Variants in ZCCHC10 observed in about 807,000 individuals in gnomAD.
ZCCHC10 encodes the protein zinc finger CCHC-type containing 10, also known as zinc finger CCHC domain-containing protein 10.
A neutral mutation model predicts 19.5 loss-of-function variants in ZCCHC10; 16 were observed. That is an observed-to-expected ratio of 0.82 (90% CI 0.56 to 1.25). The LOEUF is 1.25. ZCCHC10 is among the 50% of genes most tolerant of loss of function. The pLI is 0.00. For synonymous variants in ZCCHC10, 67 were observed against 72.5 expected (o/e 0.92, Z 0.38); for missense variants, 197 against 201.0 (o/e 0.98, Z 0.12).
intron 1 of ZCCHC10, among the ~76,000 whole-genome samples, chr5:133,023,116 TAA>T (rs1427233128): frequency 6.6e-6 from 1 of 152,170 alleles, no homozygotes; most frequent in African/African-American, 2.4e-5. Context: ...CAGCTCAACA[TAA>T]ACTTTTAGAT....
intron 2 of ZCCHC10, among the ~76,000 whole-genome samples, chr5:133,010,000 A>G (rs1763388766): frequency 6.6e-6 from 1 of 152,080 alleles, no homozygotes; most frequent in African/African-American, 2.4e-5. Flanking sequence ...AATATTTTGA[A>G]ATAATTAGAA....
At position 132,998,540 on chromosome 5, in the gene ZCCHC10, A is replaced by G. The variant is rs1301195714; in HGVS notation, c.*43T>C. ...TTCTAAATTCCCTTTCAAGAATCAC[A>G]TCAATGTTTTCAGTCCATCAGTCCA... On this transcript the variant is annotated 3_prime_UTR_variant, in exon 5 of 5. Transcript: ENST00000509437. 1.3e-6 allele frequency: 2 copies of G among 1,559,744 alleles called. No individual in the cohort carries two copies. Among genetic ancestry groups the G allele is most frequent in the Non-Finnish European group, 1.7e-6 (2 of 1,143,930 alleles).
At chr5:132,998,977 A>G in intron 4 of ZCCHC10, 127 bp from the exon 5 acceptor site, 1 of 1,272,960 alleles carries the variant, frequency 7.9e-7, no homozygotes. Flanking sequence ...GTGCAGTGGC[A>G]CAATCTCAGC....
At chr5:133,007,551 A>C (rs1194601687) in intron 2 of ZCCHC10, among the ~76,000 whole-genome samples, 1 of 151,822 alleles carries the variant, frequency 6.6e-6, no homozygotes, top group Non-Finnish European at 1.5e-5. Context: ...TCACAAAAAA[A>C]AAAAAAAACA....
intron 2 of ZCCHC10, among the ~76,000 whole-genome samples, chr5:133,012,842 A>C (rs1763645160): frequency 1.3e-5 from 2 of 152,078 alleles, no homozygotes; most frequent in Non-Finnish European, 1.5e-5. Context: ...CAAGGTCAGG[A>C]GATGGAGACC....
intron 2 of ZCCHC10, among the ~76,000 whole-genome samples, chr5:133,022,237 T>C (rs1764360428): frequency 6.6e-6 from 1 of 152,226 alleles, no homozygotes; most frequent in Non-Finnish European, 1.5e-5. Flanking sequence ...AAATTTATTT[T>C]TCTTTTTAAA....
rs568173949 is a variant in ZCCHC10, at chr5:132,997,006, T to G, written c.*1577A>C. On this transcript the variant is annotated 3_prime_UTR_variant, in exon 5 of 5. Transcript: ENST00000509437. Reference sequence around the variant, plus strand: ...GAAGTTTAAGCTTGTGAGCACAAATTGTGAGTTTTATTTAACTGCAAGTGA... The same window carrying G: ...GAAGTTTAAGCTTGTGAGCACAAATGGTGAGTTTTATTTAACTGCAAGTGA... 3.2e-4 allele frequency: 49 copies of G among 152,338 alleles called. No individual in the cohort carries two copies. The highest frequency in any genetic ancestry group is 1.1e-3 in the African/African-American group (46 of 41,578). The allele number at this position is 152,338 out of a possible 1,614,324, so 9.4% of individuals were successfully genotyped here. A position where few individuals can be genotyped will look rare whatever the true frequency, so the allele number is the denominator to read the frequency against.
chr5:133,019,482 G>A (rs994115149), intron 2 of ZCCHC10, among the ~76,000 whole-genome samples: 4 of 152,050 alleles, frequency 2.6e-5, no homozygotes, highest in Non-Finnish European at 4.4e-5. Flanking sequence ...GTGAAATGAC[G>A]TTCTTTGATA....
rs761751313 is a variant in ZCCHC10, at chr5:132,998,722, C to A, written c.440G>T (p.Ser147Ile). 66 of 1,614,074 alleles carry A rather than the reference C, an allele frequency of 4.1e-5. No homozygotes were observed. Among genetic ancestry groups the A allele is most frequent in the Middle Eastern group, 1.7e-4 (1 of 6,060 alleles). The change falls in exon 5 of 5, where the codon AGT becomes ATT. Residue 147 changes from serine (S) to isoleucine (I), a missense_variant. Transcript: ENST00000509437. ...EDSDTDESSS[S>I]SSSSASSTTS... The stretch of plus-strand genomic sequence containing the variant: ...TGTGGAGGAGGCTGAGGATGAGGAA[C>A]TAGAGGAGCTTTCATCAGTGTCACT...
intron 3 of ZCCHC10, among the ~76,000 whole-genome samples, chr5:133,001,217 G>A (rs552977085): frequency 6.6e-6 from 1 of 151,620 alleles, no homozygotes; most frequent in African/African-American, 2.4e-5. Flanking sequence ...GTGAAACCCT[G>A]TCTCTACTAA....
rs1029422217 is a variant in ZCCHC10, at chr5:133,022,927, A to C, written c.42-21T>G. 2.7e-5 allele frequency: 15 copies of C among 559,982 alleles called. No homozygotes were observed. The Admixed American group carries it at 4.0e-4, about 15-fold the overall frequency. The allele number at this position is 559,982 out of a possible 1,614,324, so 34.7% of individuals were successfully genotyped here. On this transcript the variant is annotated intron_variant, in intron 1 of 4. Coordinates refer to ENST00000509437, the MANE Select transcript of ZCCHC10 (RefSeq NM_001300816.3). Reference sequence around the variant, plus strand: ...CGAATCTAACAAGATGAAATTTAACAAGGACAAAGGTAAGTCTGACACTTA... The same window carrying C: ...CGAATCTAACAAGATGAAATTTAACCAGGACAAAGGTAAGTCTGACACTTA...
Position 133,026,549 on chromosome 5 carries a change from C to G in ZCCHC10, c.-12G>C. The G allele has an allele frequency of 1.9e-6, 3 of 1,613,042 alleles. No homozygotes were observed. Among genetic ancestry groups the G allele is most frequent in the South Asian group, 2.2e-5 (2 of 90,836 alleles). ...ATGGGAGTCGCCATCTTAGCGCGGT[C>G]AAAGCCGGCCGCGCAGGGTTTTGGG... On this transcript the variant is annotated 5_prime_UTR_variant, in exon 1 of 5. Transcript: ENST00000509437.
At chr5:133,000,209 T>C (rs1762677295) in intron 3 of ZCCHC10, 36 bp from the exon 4 acceptor site, 2 of 1,612,682 alleles carry the variant, frequency 1.2e-6, no homozygotes, top group Non-Finnish European at 1.7e-6. Flanking sequence ...CTCCTGTTAA[T>C]AGAGTGATTA....
chr5:133,012,136 CAA>C (rs1172354725), intron 2 of ZCCHC10, among the ~76,000 whole-genome samples: 15 of 74,866 alleles, frequency 2.0e-4, no homozygotes, highest in South Asian at 5.8e-4. Flanking sequence ...GCCTCCATCT[CAA>C]AAAAAAAAAA....
Position 133,026,135 on chromosome 5 carries a change from C to T in ZCCHC10, c.41+362G>A, listed in dbSNP as rs376136580. 5.3e-5 allele frequency among the ~76,000 whole-genome samples: 8 copies of T among 152,288 alleles called. No individual in the cohort carries two copies. The East Asian group carries it at 1.5e-3, about 29-fold the overall frequency. ...TGAATAGGAAACTGAAGGTTTACGT[C>T]GGCTGGAATAAAGGTGTCGGACCGG... is the stretch of plus-strand genomic sequence containing the variant. On this transcript the variant is annotated intron_variant, in intron 1 of 4. Transcript: ENST00000509437.
At chr5:133,013,919 T>G (rs1490827731) in intron 2 of ZCCHC10, among the ~76,000 whole-genome samples, 2 of 152,126 alleles carry the variant, frequency 1.3e-5, no homozygotes, top group African/African-American at 4.8e-5. Context: ...AAAAAATATT[T>G]ACAATATTGC....
chr5:133,008,618 AT>A (rs913452532), intron 2 of ZCCHC10, among the ~76,000 whole-genome samples: 1 of 151,752 alleles, frequency 6.6e-6, no homozygotes, highest in African/African-American at 2.4e-5. Flanking sequence ...TAATCCCAGC[AT>A]TTTGGGAGGC....
At chr5:133,004,779 C>T (rs1284775989) in intron 3 of ZCCHC10, among the ~76,000 whole-genome samples, 3 of 152,034 alleles carry the variant, frequency 2.0e-5, no homozygotes, top group Non-Finnish European at 2.9e-5. Context: ...TGTAAGCCAC[C>T]GTGCCCGGCT....
intron 2 of ZCCHC10, among the ~76,000 whole-genome samples, chr5:133,012,867 G>A (rs10479020): frequency 0.21 from 32,251 of 151,864 alleles, 3,599 homozygotes; most frequent in Non-Finnish European, 0.25. Context: ...TGGCTAACAC[G>A]GTGAAACCCC....
Sources: allele counts gnomAD v4.1 joint callset (sites outside exome capture counted in the v4.1 genomes callset), GRCh38; gene constraint gnomAD v4.1.1; transcripts MANE v1.5; gene names NCBI Gene and HGNC (gene_info 2026-07-23, HGNC 2026-07-21).